The following SEMA5B variants were observed in gnomAD, a reference collection of about 807,000 sequenced individuals.
The protein encoded by SEMA5B is semaphorin 5B.
Under a neutral mutation model 135.0 loss-of-function variants are expected in SEMA5B, and 66 were observed. That is an observed-to-expected ratio of 0.49 (90% CI 0.40 to 0.60). The LOEUF is 0.60. SEMA5B is among the 20% of genes least tolerant of loss of function. The pLI is 0.00. For missense variants in SEMA5B, 1,501 were observed against 1,566.3 expected (o/e 0.96, Z 0.70); for synonymous variants, 690 against 639.5 (o/e 1.08, Z -1.19).
intron 1 of SEMA5B, among the ~76,000 whole-genome samples, chr3:122,981,900 C>A (rs1181905666): frequency 3.3e-5 from 5 of 152,146 alleles, no homozygotes; most frequent in Non-Finnish European, 7.4e-5. Context: ...AGTCGGAAGT[C>A]TGGGTATAAT....
intron 1 of SEMA5B, among the ~76,000 whole-genome samples, chr3:122,973,376 G>A (rs939215493): frequency 1.3e-5 from 2 of 152,192 alleles, no homozygotes; most frequent in African/African-American, 4.8e-5. Flanking sequence ...CATGTGACCA[G>A]CCAAAAGCAG....
At chr3:122,952,660 G>A (rs1940110340) in intron 2 of SEMA5B, among the ~76,000 whole-genome samples, 2 of 152,200 alleles carry the variant, frequency 1.3e-5, no homozygotes, top group Admixed American at 6.5e-5. Flanking sequence ...ACTTCCTTTT[G>A]CCCTCTGACA....
At chr3:122,929,511 G>T (rs751657142) in intron 5 of SEMA5B, among the ~76,000 whole-genome samples, 1 of 152,192 alleles carries the variant, frequency 6.6e-6, no homozygotes, top group Non-Finnish European at 1.5e-5. Flanking sequence ...GAATGTAAGA[G>T]ATTTAATTTT....
intron 2 of SEMA5B, among the ~76,000 whole-genome samples, chr3:122,951,591 G>A (rs1365404323): frequency 3.3e-5 from 5 of 152,152 alleles, no homozygotes; most frequent in Admixed American, 1.3e-4. Context: ...CCTACGTCTC[G>A]CAAAGGTCTC....
chr3:122,962,031 T>G (rs1940605239), intron 1 of SEMA5B, among the ~76,000 whole-genome samples: 1 of 152,162 alleles, frequency 6.6e-6, no homozygotes, highest in Admixed American at 6.5e-5. Flanking sequence ...TTCTCTACTT[T>G]TAAGGATCCC....
Position 122,928,502 on chromosome 3 carries a change from C to A in SEMA5B, c.636+15G>T, listed in dbSNP as rs573232559. 6.9e-5 allele frequency: 107 copies of A among 1,547,070 alleles called. 1 individual carries two copies. In the South Asian group the frequency reaches 1.2e-3, roughly 18 times the overall value. On this transcript the variant is annotated intron_variant, in intron 7 of 22. Transcript: ENST00000357599. ...ATGGTGCCCCCTTCAGTCTCCTCCA[C>A]CCTGAGGTGCCCACCTGTCTGCTGG...
intron 12 of SEMA5B, among the ~76,000 whole-genome samples, chr3:122,917,024 A>G (rs1207890052): frequency 6.6e-6 from 1 of 152,194 alleles, no homozygotes; most frequent in Non-Finnish European, 1.5e-5. Context: ...AATCTCCACT[A>G]GTAGGACTTG....
intron 1 of SEMA5B, among the ~76,000 whole-genome samples, chr3:122,975,677 T>C (rs902504994): frequency 9.9e-5 from 15 of 152,230 alleles, no homozygotes; most frequent in Non-Finnish European, 5.9e-5. Context: ...GTTGTGATTA[T>C]GCAGACCTTC....
In SEMA5B at chr3:122,962,135, G is replaced by A. The variant is rs867337657; in HGVS notation, c.-38-834C>T. Among the ~76,000 whole-genome samples the A allele has an allele frequency of 4.8e-4, 73 of 152,098 alleles. 1 individual carries two copies. Among genetic ancestry groups the A allele is most frequent in the African/African-American group, 1.7e-3 (70 of 41,410 alleles). On this transcript the variant is annotated intron_variant, in intron 1 of 22. Transcript: ENST00000357599. ...ACATCTGCAAATTCCCTTTTGCATC[G>A]TAAGGCACCATATTCACAGGTTCTA...
At chr3:123,028,117 C>T (rs1942850566), upstream of SEMA5B, among the ~76,000 whole-genome samples, 1 of 152,196 alleles carries the variant, frequency 6.6e-6, no homozygotes, top group South Asian at 2.1e-4. Flanking sequence ...TCGAATGTGA[C>T]ATCCCCGAGG....
intron 1 of SEMA5B, chr3:122,975,851 A>T: frequency 9.3e-7 from 1 of 1,074,252 alleles, no homozygotes; most frequent in Non-Finnish European, 1.3e-6. Context: ...CCCACTGCCT[A>T]CACAACCAAA....
chr3:122,959,237 G>A (rs559110953), intron 2 of SEMA5B, among the ~76,000 whole-genome samples: 13 of 152,268 alleles, frequency 8.5e-5, no homozygotes, highest in Non-Finnish European at 1.5e-4. Flanking sequence ...CCGTGAGGCG[G>A]GTATTGTAAT....
chr3:122,936,133 G>A (rs971325168), intron 5 of SEMA5B, among the ~76,000 whole-genome samples: 3 of 152,134 alleles, frequency 2.0e-5, no homozygotes, highest in Non-Finnish European at 4.4e-5. Flanking sequence ...GGAGAGAGAC[G>A]TGTCTGATCA....
At chr3:122,939,305 C>G in intron 5 of SEMA5B, 120 bp downstream of exon 5, 1 of 782,526 alleles carries the variant, frequency 1.3e-6, no homozygotes, top group Admixed American at 2.0e-5. Flanking sequence ...GTGAAAAGAA[C>G]AAGTGGCTCC....
chr3:122,956,812 C>G (rs756614963), intron 2 of SEMA5B, among the ~76,000 whole-genome samples: 1 of 152,056 alleles, frequency 6.6e-6, no homozygotes, highest in South Asian at 2.1e-4. Flanking sequence ...GGTAGAGCAG[C>G]GGGAAGCAGC....
chr3:122,984,600 C>A (rs555907856), intron 1 of SEMA5B, among the ~76,000 whole-genome samples: 15 of 152,262 alleles, frequency 9.9e-5, no homozygotes, highest in Non-Finnish European at 1.6e-4. Flanking sequence ...TTAAGAATAA[C>A]GACAAAGGTT....
chr3:122,950,778 C>T (rs559802495), intron 2 of SEMA5B, among the ~76,000 whole-genome samples: 1 of 152,182 alleles, frequency 6.6e-6, no homozygotes, highest in Non-Finnish European at 1.5e-5. Context: ...AAGTGACTTA[C>T]GAATGAGATT....
In SEMA5B at chr3:122,921,991, G is replaced by T; in HGVS notation, c.1612C>A (p.Arg538Ser). The T allele has an allele frequency of 6.5e-7, 1 of 1,535,124 alleles. No individual in the cohort carries two copies. Among genetic ancestry groups the T allele is most frequent in the East Asian group, 2.5e-5 (1 of 40,688 alleles). The stretch of plus-strand genomic sequence containing the variant: ...TCTCTCAGCCCCACGAAGAGCGCGC[G>T]GGCGCTGTGCAGGATGCGCAGGCTG... ...LRSLRILHSA[R>S]ALFVGLRDGV... is the part of the protein sequence containing the mutation. Residue 538 changes from arginine (R) to serine (S), a missense_variant, in exon 12 of 23, where the codon CGC becomes AGC. This residue lies in a region of SEMA5B where 927 missense variants were observed against 881.6 expected (regional missense o/e 1.05). Coordinates refer to ENST00000357599, the MANE Select transcript of SEMA5B (RefSeq NM_001031702.4).
chr3:123,003,706 C>T lies in SEMA5B; in HGVS notation c.-39+23758G>A, dbSNP rs893691982. 5.3e-5 allele frequency among the ~76,000 whole-genome samples: 8 copies of T among 152,222 alleles called. No homozygotes were observed. The South Asian group carries it at 1.5e-3, about 28-fold the overall frequency. ...AAAATTAGCCAGGCACAGTGGCAGG[C>T]GCCTGTAATGCCAGCCACTCAGGAG... is the stretch of plus-strand genomic sequence containing the variant. On this transcript the variant is annotated intron_variant, in intron 1 of 22. Transcript: ENST00000357599.
Sources: gnomAD v4.1 joint callset for allele counts (sites outside exome capture counted in the v4.1 genomes callset) on GRCh38, gnomAD v4.1.1 for gene constraint, gnomAD v4.1.1 regional missense constraint, MANE v1.5 for transcripts, NCBI Gene and HGNC (gene_info 2026-07-23, HGNC 2026-07-21) for gene names.